The following EIF5B variants were observed in gnomAD, a reference collection of about 807,000 sequenced individuals.
EIF5B encodes the protein eIF-5B.
In EIF5B, 47 loss-of-function variants were observed where a neutral mutation model predicts 147.5. The observed-to-expected ratio is 0.32, with a 90% confidence interval of 0.25 to 0.41. The LOEUF is 0.41. Among genes scored for constraint, EIF5B ranks in the 10% least tolerant of loss-of-function variants. EIF5B has a pLI of 1.00. For synonymous variants in EIF5B, 455 were observed against 456.2 expected, an observed-to-expected ratio of 1.00 and a Z score of 0.03; for missense variants, 1,064 against 1,413.2, an observed-to-expected ratio of 0.75 and a Z score of 3.96.
At chr2:99,354,539 T>A (rs1273411663) in intron 1 of EIF5B, among the ~76,000 whole-genome samples, 1 of 152,230 alleles carries the variant, frequency 6.6e-6, no homozygotes. Flanking sequence ...CCACTTCTTT[T>A]GGATTGTGCT....
rs70940169 is a variant in EIF5B at position 99,345,943 on chromosome 2, C to CAA, written c.35+8369_35+8370dup. ...TGGGTGACAGAGCTAGACCCTGTCT[C>CAA]AAAAAAAAAAAAAAAATGTGGTGAA... On this transcript the variant is annotated intron_variant, in intron 1 of 23. Transcript: ENST00000289371. Among the ~76,000 whole-genome samples, 586 of 137,020 alleles carry CAA rather than the reference C, an allele frequency of 4.3e-3. 8 individuals are homozygous for CAA. The highest frequency in any genetic ancestry group is 0.011 in the African/African-American group (387 of 35,628). The allele number at this position is 137,020 out of a possible 152,430, so 89.9% of individuals were successfully genotyped here. A position where few individuals can be genotyped will look rare whatever the true frequency, so the allele number is the denominator to read the frequency against.
At chr2:99,343,297 T>C (rs1043471463) in intron 1 of EIF5B, among the ~76,000 whole-genome samples, 1 of 151,312 alleles carries the variant, frequency 6.6e-6, no homozygotes, top group African/African-American at 2.4e-5. Context: ...GGTCTTGATA[T>C]AGTCTGGATA....
At position 99,363,641 on chromosome 2, in the gene EIF5B, G is replaced by T; in HGVS notation, c.920-4G>T. The stretch of plus-strand genomic sequence containing the variant: ...CAATGCTTTGCCTTTATTCTTTTTG[G>T]TAGATGACAATGAAGGAGACAAAAA... On this transcript the variant is annotated splice_polypyrimidine_tract_variant and splice_region_variant and intron_variant, in intron 4 of 23. Coordinates refer to ENST00000289371, the MANE Select transcript of EIF5B (RefSeq NM_015904.4). 1 of 1,575,082 alleles carries T rather than the reference G, an allele frequency of 6.3e-7. No homozygotes were observed. Among genetic ancestry groups the T allele is most frequent in the Admixed American group, 2.1e-5 (1 of 48,126 alleles).
intron 6 of EIF5B, among the ~76,000 whole-genome samples, chr2:99,366,522 A>T (rs6650790): frequency 6.6e-6 from 1 of 152,074 alleles, no homozygotes; most frequent in South Asian, 2.1e-4. Flanking sequence ...TGCACAACAC[A>T]CATCCATATA....
chr2:99,389,598 G>GAATA (rs1559259419), intron 14 of EIF5B, 120 bp from the exon 15 acceptor site: 4 of 759,546 alleles, frequency 5.3e-6, no homozygotes, highest in Non-Finnish European at 7.6e-6. Flanking sequence ...TAAAGTGTAT[G>GAATA]AGTAAGTCAC....
intron 1 of EIF5B, among the ~76,000 whole-genome samples, chr2:99,345,893 A>G (rs1287640137): frequency 6.7e-6 from 1 of 150,330 alleles, no homozygotes; most frequent in Non-Finnish European, 1.5e-5. Flanking sequence ...GCAGTGAGCC[A>G]TGTTTGTGCC....
intron 1 of EIF5B, among the ~76,000 whole-genome samples, chr2:99,353,578 A>G (rs1248334125): frequency 6.6e-6 from 1 of 152,210 alleles, no homozygotes; most frequent in East Asian, 1.9e-4. Flanking sequence ...ATATTATTAC[A>G]TGTGTAGGTC....
At position 99,337,452 on chromosome 2, in the gene EIF5B, A is replaced by C; in HGVS notation, c.-103A>C. On this transcript the variant is annotated 5_prime_UTR_variant, in exon 1 of 24. Coordinates refer to ENST00000289371, the MANE Select transcript of EIF5B (RefSeq NM_015904.4). Reference sequence around the variant, plus strand: ...AGAGCCGGGTGCGAGCGGCGGCAGCACGAGGGGAAAAGAGCTGAGCGGAGA... The same window carrying C: ...AGAGCCGGGTGCGAGCGGCGGCAGCCCGAGGGGAAAAGAGCTGAGCGGAGA... 2 of 1,461,638 alleles carry C rather than the reference A, an allele frequency of 1.4e-6. No individual in the cohort carries two copies. The highest frequency in any genetic ancestry group is 1.9e-6 in the Non-Finnish European group (2 of 1,064,600). The allele number at this position is 1,461,638 out of a possible 1,614,324, so 90.5% of individuals were successfully genotyped here.
At chr2:99,377,285 T>C (rs1055273891) in intron 10 of EIF5B, among the ~76,000 whole-genome samples, 14 of 152,060 alleles carry the variant, frequency 9.2e-5, no homozygotes, top group Admixed American at 9.2e-4. Context: ...TATATCAACA[T>C]TTGCTTTTTC....
intron 14 of EIF5B, among the ~76,000 whole-genome samples, chr2:99,385,705 T>C (rs1225124323): frequency 2.0e-5 from 3 of 152,260 alleles, no homozygotes; most frequent in Non-Finnish European, 2.9e-5. Context: ...GTATTAGCTT[T>C]ACTGCAGTTG....
chr2:99,357,274 T>C (rs1674114639), intron 1 of EIF5B, among the ~76,000 whole-genome samples: 1 of 152,236 alleles, frequency 6.6e-6, no homozygotes, highest in African/African-American at 2.4e-5. Context: ...TGTTTGAATT[T>C]TTCAAGCAAG....
intron 4 of EIF5B, among the ~76,000 whole-genome samples, chr2:99,362,815 A>G (rs1376318734): frequency 2.6e-5 from 4 of 151,856 alleles, no homozygotes; most frequent in South Asian, 2.1e-4. Flanking sequence ...CTGGAGTGCA[A>G]TGACACGATC....
At chr2:99,344,532 G>C (rs1029619694) in intron 1 of EIF5B, among the ~76,000 whole-genome samples, 1 of 151,926 alleles carries the variant, frequency 6.6e-6, no homozygotes, top group Non-Finnish European at 1.5e-5. Context: ...CGTCTCCTGG[G>C]TTCAAGGGAT....
intron 1 of EIF5B, among the ~76,000 whole-genome samples, chr2:99,344,061 G>A (rs926901559): frequency 1.3e-5 from 2 of 151,690 alleles, no homozygotes; most frequent in Non-Finnish European, 2.9e-5. Context: ...TGGGACCACA[G>A]GCACCTGCTA....
Position 99,401,047 on chromosome 2 carries a change from T to C in EIF5B, c.*1633T>C, listed in dbSNP as rs553432144. 2.4e-6 allele frequency: 1 copy of C among 410,414 alleles called. No homozygotes were observed. Among genetic ancestry groups the C allele is most frequent in the South Asian group, 4.7e-5 (1 of 21,254 alleles). The allele number at this position is 410,414 out of a possible 1,614,324, so 25.4% of individuals were successfully genotyped here. ...TTTGTAAATAGAATCTATGCTACAG[T>C]AAAATAATTAACACAATTATTTACA... On this transcript the variant is annotated 3_prime_UTR_variant, in exon 24 of 24. Coordinates refer to ENST00000289371, the MANE Select transcript of EIF5B (RefSeq NM_015904.4).
At chr2:99,348,850 C>T (rs1404865546) in intron 1 of EIF5B, among the ~76,000 whole-genome samples, 3 of 152,114 alleles carry the variant, frequency 2.0e-5, no homozygotes, top group Non-Finnish European at 4.4e-5. Context: ...ACTATAGGTC[C>T]TGGTATTGAT....
At chr2:99,384,324 C>CT (rs1204392439) in intron 14 of EIF5B, among the ~76,000 whole-genome samples, 4 of 145,710 alleles carry the variant, frequency 2.7e-5, no homozygotes, top group Admixed American at 6.6e-5. Flanking sequence ...AGACCAACTG[C>CT]TCAGAGAAAA....
At chr2:99,398,479 A>T (rs1218478590) in intron 22 of EIF5B, 2 of 263,082 alleles carry the variant, frequency 7.6e-6, no homozygotes, top group African/African-American at 4.5e-5. Context: ...GAGCAAAAAT[A>T]GGAAATGACA....
intron 1 of EIF5B, among the ~76,000 whole-genome samples, chr2:99,342,082 T>C (rs912377653): frequency 6.6e-6 from 1 of 152,228 alleles, no homozygotes; most frequent in Non-Finnish European, 1.5e-5. Context: ...TAAACTAGAT[T>C]TAGGCATTTG....
Sources: gnomAD v4.1 joint callset for allele counts (sites outside exome capture counted in the v4.1 genomes callset) on GRCh38, gnomAD v4.1.1 for gene constraint, MANE v1.5 for transcripts, NCBI Gene and HGNC (gene_info 2026-07-23, HGNC 2026-07-21) for gene names.